The following SGCZ variants were observed in gnomAD, a reference collection of about 807,000 sequenced individuals.
SGCZ encodes sarcoglycan zeta, also known as zeta-sarcoglycan.
In SGCZ, 40 loss-of-function variants were observed where a neutral mutation model predicts 41.3. The observed-to-expected ratio is 0.97, with a 90% confidence interval of 0.75 to 1.26. The LOEUF is 1.26. Among genes scored for constraint, SGCZ ranks in the 50% most tolerant of loss-of-function variants. The pLI, the probability that SGCZ is intolerant of heterozygous loss-of-function variation, is 0.00. For missense variants in SGCZ, 552 were observed against 369.8 expected, an observed-to-expected ratio of 1.49 and a Z score of -4.04; for synonymous variants, 206 against 137.5, an observed-to-expected ratio of 1.50 and a Z score of -3.49.
chr8:14,202,008 G>A lies in SGCZ; in HGVS notation c.424+35584C>T, dbSNP rs7814090. ...GCAGAATAATGAAACCCCTCAGAAC[G>A]CCCCACCTCCTAATCTTCAGCATTT... On this transcript the variant is annotated intron_variant, in intron 4 of 7. Coordinates refer to ENST00000382080, the MANE Select transcript of SGCZ (RefSeq NM_139167.4). 9.6e-3 allele frequency among the ~76,000 whole-genome samples: 1,465 copies of A among 152,178 alleles called. 26 individuals are homozygous for A. The highest frequency in any genetic ancestry group is 0.033 in the African/African-American group (1,388 of 41,504).
At chr8:14,806,032 C>T (rs1304479515) in intron 1 of SGCZ, among the ~76,000 whole-genome samples, 380 of 151,282 alleles carry the variant, frequency 2.5e-3, no homozygotes, top group African/African-American at 8.6e-3. Flanking sequence ...TTGAAACCAA[C>T]GAGAACAAAG....
At chr8:14,168,007 G>A (rs531277223) in intron 4 of SGCZ, among the ~76,000 whole-genome samples, 2 of 152,178 alleles carry the variant, frequency 1.3e-5, no homozygotes, top group East Asian at 1.9e-4. Context: ...AGTAATTCAA[G>A]GAAAACAAAA....
chr8:14,793,921 C>G (rs1237950814), intron 1 of SGCZ, among the ~76,000 whole-genome samples: 1 of 152,098 alleles, frequency 6.6e-6, no homozygotes, highest in African/African-American at 2.4e-5. Flanking sequence ...TTCTAAAACT[C>G]TCAGTCTGGT....
At chr8:14,528,922 G>C (rs1262870302) in intron 2 of SGCZ, among the ~76,000 whole-genome samples, 1 of 150,390 alleles carries the variant, frequency 6.6e-6, no homozygotes, top group African/African-American at 2.5e-5. Context: ...AGGGATCTCA[G>C]ACATCATCCA....
intron 1 of SGCZ, among the ~76,000 whole-genome samples, chr8:15,053,784 G>A (rs564769232): frequency 1.3e-5 from 2 of 152,080 alleles, no homozygotes; most frequent in Non-Finnish European, 2.9e-5. Context: ...ATTCAATTTG[G>A]ATATTTCTTA....
chr8:15,173,491 A>G (rs560500922), intron 1 of SGCZ, among the ~76,000 whole-genome samples: 6 of 152,316 alleles, frequency 3.9e-5, no homozygotes, highest in African/African-American at 1.4e-4. Context: ...GAATTATTAC[A>G]TGAGTGTCTT....
At chr8:15,121,841 A>C (rs1188937359) in intron 1 of SGCZ, among the ~76,000 whole-genome samples, 1 of 151,880 alleles carries the variant, frequency 6.6e-6, no homozygotes, top group African/African-American at 2.4e-5. Flanking sequence ...TATGTTCTGG[A>C]AAAATATAAA....
intron 3 of SGCZ, among the ~76,000 whole-genome samples, chr8:14,284,489 T>A (rs953116203): frequency 6.6e-6 from 1 of 152,246 alleles, no homozygotes; most frequent in African/African-American, 2.4e-5. Context: ...TCTTTTTTGT[T>A]TTCAAATTAT....
chr8:14,975,789 T>TTATA (rs371834276), intron 1 of SGCZ, among the ~76,000 whole-genome samples: 2,355 of 125,380 alleles, frequency 0.019, 23 homozygotes, highest in Middle Eastern at 0.036. Flanking sequence ...TTTTCCACTT[T>TTATA]TATATATATA....
At chr8:14,692,232 A>C (rs1461454483) in intron 1 of SGCZ, among the ~76,000 whole-genome samples, 1 of 152,094 alleles carries the variant, frequency 6.6e-6, no homozygotes, top group Admixed American at 6.5e-5. Context: ...TAAATCATTA[A>C]GATTAATGAT....
chr8:15,112,006 G>A (rs1440949044), intron 1 of SGCZ, among the ~76,000 whole-genome samples: 1 of 151,986 alleles, frequency 6.6e-6, no homozygotes, highest in Non-Finnish European at 1.5e-5. Flanking sequence ...CAAGAACCTG[G>A]ACATACCACA....
At chr8:14,176,293 A>C (rs1804539757) in intron 4 of SGCZ, among the ~76,000 whole-genome samples, 1 of 152,224 alleles carries the variant, frequency 6.6e-6, no homozygotes, top group African/African-American at 2.4e-5. Context: ...TTAACATATT[A>C]CATCATGGAA....
At chr8:14,888,040 C>CAATGTG (rs1804874730) in intron 1 of SGCZ, among the ~76,000 whole-genome samples, 6 of 152,088 alleles carry the variant, frequency 3.9e-5, no homozygotes, top group Non-Finnish European at 8.8e-5. Context: ...AGTCATTCCA[C>CAATGTG]ATTGTATACA....
At chr8:14,598,460 G>T (rs1167227835) in intron 1 of SGCZ, among the ~76,000 whole-genome samples, 2 of 151,268 alleles carry the variant, frequency 1.3e-5, no homozygotes, top group South Asian at 4.2e-4. Context: ...TATACATGTA[G>T]TAGAGATGGG....
At chr8:14,181,189 C>G (rs1433106250) in intron 4 of SGCZ, among the ~76,000 whole-genome samples, 1 of 152,158 alleles carries the variant, frequency 6.6e-6, no homozygotes, top group African/African-American at 2.4e-5. Context: ...AGGGTCCCTA[C>G]TAAATACCCG....
Position 15,074,140 on chromosome 8 carries a change from T to A in SGCZ, c.39+163445A>T, listed in dbSNP as rs79746031. ...AACCCCCCATCCAACCGTCACTGAC[T>A]CCCAGATGTCTGTGACCATCAGCCA... is the stretch of plus-strand genomic sequence containing the variant. On this transcript the variant is annotated intron_variant, in intron 1 of 7. Transcript: ENST00000382080. Among the ~76,000 whole-genome samples, 893 of 152,268 alleles carry A rather than the reference T, an allele frequency of 5.9e-3. 8 individuals carry two copies. Among genetic ancestry groups the A allele is most frequent in the African/African-American group, 0.02 (842 of 41,540 alleles).
intron 1 of SGCZ, among the ~76,000 whole-genome samples, chr8:14,705,024 C>G (rs1017724516): frequency 2.7e-4 from 41 of 151,888 alleles, no homozygotes; most frequent in African/African-American, 9.7e-4. Flanking sequence ...TATTAATAGC[C>G]ACCAAACCAC....
intron 2 of SGCZ, among the ~76,000 whole-genome samples, chr8:14,359,941 G>A (rs1434216885): frequency 1.3e-5 from 2 of 152,020 alleles, no homozygotes; most frequent in Non-Finnish European, 2.9e-5. Context: ...TTTATCTCAC[G>A]GATGTAAGCA....
At chr8:14,237,329 T>C (rs1024244392) in intron 4 of SGCZ, among the ~76,000 whole-genome samples, 1 of 152,152 alleles carries the variant, frequency 6.6e-6, no homozygotes, top group Non-Finnish European at 1.5e-5. Context: ...TAATGGAATG[T>C]TGAGTTATGT....
Sources: gnomAD v4.1 joint callset for allele counts (sites outside exome capture counted in the v4.1 genomes callset) on GRCh38, gnomAD v4.1.1 for gene constraint, MANE v1.5 for transcripts, NCBI Gene and HGNC (gene_info 2026-07-23, HGNC 2026-07-21) for gene names.